The following DCPS variants were observed in gnomAD, a reference collection of about 807,000 sequenced individuals.
DCPS encodes the protein decapping enzyme, scavenger, also known as m7GpppX diphosphatase.
Under a neutral mutation model 34.7 loss-of-function variants are expected in DCPS, and 27 were observed. The ratio of observed to expected loss-of-function variants is 0.78; its 90% confidence interval spans 0.57 to 1.07. The LOEUF is 1.07. DCPS is among the 50% of genes least tolerant of loss of function. DCPS has a pLI of 0.00. For synonymous variants in DCPS, 185 were observed against 185.7 expected, an observed-to-expected ratio of 1.00 and a Z score of 0.03; for missense variants, 464 against 436.9, an observed-to-expected ratio of 1.06 and a Z score of -0.55.
chr11:126,343,239 C>A, intron 4 of DCPS, 68 bp from the exon 5 acceptor site: 1 of 1,372,020 alleles, frequency 7.3e-7, no homozygotes, highest in Non-Finnish European at 1.0e-6. Context: ...TACGTGAGAA[C>A]TCCAGGGTTG....
rs370353786 is a variant in DCPS, at chr11:126,322,319, A to G, written c.377-9086A>G. Among the ~76,000 whole-genome samples the G allele has an allele frequency of 7.2e-5, 11 of 152,180 alleles. No homozygotes were observed. The highest frequency in any genetic ancestry group is 2.6e-4 in the African/African-American group (11 of 41,522). ...CACTTTGTCGCCCAGGCTGGAGTGCATTGGTGCCATCTTGGCTCACTGCAA... is the reference window on the plus strand; with the variant it reads ...CACTTTGTCGCCCAGGCTGGAGTGCGTTGGTGCCATCTTGGCTCACTGCAA... On this transcript the variant is annotated intron_variant, in intron 2 of 5. Coordinates refer to ENST00000263579, the MANE Select transcript of DCPS (RefSeq NM_014026.6). This position sits in a 1 kb window ranked among gnomAD's most constrained non-coding sequence, Gnocchi z 4.2.
In DCPS at chr11:126,342,546, TTCTC is replaced by T. The variant is rs1335189637; in HGVS notation, c.637-760_637-757del. On this transcript the variant is annotated intron_variant, in intron 4 of 5. Transcript: ENST00000263579. This position sits in a 1 kb window ranked among gnomAD's most constrained non-coding sequence, Gnocchi z 4.4. ...TCTGTTTCCTCTACCTGAATACCCT[TTCTC>T]CAAATTCTACCTTTTTTCTAGACCT... Among the ~76,000 whole-genome samples the T allele has an allele frequency of 6.6e-6, 1 of 152,172 alleles. No individual in the cohort carries two copies. Among genetic ancestry groups the T allele is most frequent in the Non-Finnish European group, 1.5e-5 (1 of 68,032 alleles).
chr11:126,315,815 G>A lies in DCPS; in HGVS notation c.376+9071G>A, dbSNP rs1174091454. ...TGCAACCTCCACCTCCCGGGTTGAA[G>A]CGATTCTCCTGCCTCAGCCTCCCGA... is the stretch of plus-strand genomic sequence containing the variant. On this transcript the variant is annotated intron_variant, in intron 2 of 5. Transcript: ENST00000263579. This position sits in a 1 kb window ranked among gnomAD's most constrained non-coding sequence, Gnocchi z 6.1. 1.3e-5 allele frequency among the ~76,000 whole-genome samples: 2 copies of A among 152,074 alleles called. No individual in the cohort carries two copies. Among genetic ancestry groups the A allele is most frequent in the Non-Finnish European group, 2.9e-5 (2 of 68,038 alleles).
chr11:126,340,715 G>C (rs1179449146), intron 4 of DCPS, among the ~76,000 whole-genome samples: 1 of 152,160 alleles, frequency 6.6e-6, no homozygotes, highest in East Asian at 1.9e-4. Flanking sequence ...ATCTCCTCCT[G>C]CCACTGGTCC....
intron 2 of DCPS, among the ~76,000 whole-genome samples, chr11:126,318,153 G>A (rs1591383817): frequency 6.6e-6 from 1 of 152,286 alleles, no homozygotes; most frequent in East Asian, 1.9e-4. Context: ...TAAAGTCAGC[G>A]TCTGCCTCTC....
intron 1 of DCPS, among the ~76,000 whole-genome samples, chr11:126,304,938 C>T (rs553878077): frequency 6.6e-6 from 1 of 152,032 alleles, no homozygotes; most frequent in Admixed American, 6.6e-5. Flanking sequence ...AGTGAGGAGG[C>T]CTAGCCAGAG....
At chr11:126,307,402 G>A (rs1951579389) in intron 2 of DCPS, among the ~76,000 whole-genome samples, 1 of 151,722 alleles carries the variant, frequency 6.6e-6, no homozygotes, top group African/African-American at 2.4e-5. Context: ...GTGATTCATG[G>A]GATAGAATAA....
At position 126,312,985 on chromosome 11, in the gene DCPS, C is replaced by T. The variant is rs1459396193; in HGVS notation, c.376+6241C>T. Among the ~76,000 whole-genome samples the T allele has an allele frequency of 6.6e-6, 1 of 152,150 alleles. No homozygotes were observed. The highest frequency in any genetic ancestry group is 6.5e-5 in the Admixed American group (1 of 15,274). On this transcript the variant is annotated intron_variant, in intron 2 of 5. Transcript: ENST00000263579. The surrounding 1 kb of genome is among the most constrained non-coding windows in gnomAD (Gnocchi z 5.1). ...TCTGACCCTCCAGGCTGGGCAGGGC[C>T]TGCATCTCCTTTCTGCCATAGCTGT...
At chr11:126,330,568 A>G (rs986418177) in intron 2 of DCPS, among the ~76,000 whole-genome samples, 5 of 151,332 alleles carry the variant, frequency 3.3e-5, no homozygotes, top group Admixed American at 1.3e-4. Flanking sequence ...CCAAGGTCCC[A>G]TTCAGAATAA....
intron 2 of DCPS, among the ~76,000 whole-genome samples, chr11:126,316,043 GA>G (rs11284449): frequency 0.074 from 11,233 of 152,080 alleles, 568 homozygotes; most frequent in East Asian, 0.17. Flanking sequence ...AGGTCGAGTG[GA>G]TTCTCTTTTC....
chr11:126,321,968 C>T (rs74833849), intron 2 of DCPS, among the ~76,000 whole-genome samples: 2 of 152,062 alleles, frequency 1.3e-5, no homozygotes, highest in African/African-American at 2.4e-5. Context: ...GAAAGTCAGA[C>T]GCTGAATCCA....
intron 2 of DCPS, among the ~76,000 whole-genome samples, chr11:126,330,800 A>G (rs1179511215): frequency 7.7e-6 from 1 of 129,582 alleles, no homozygotes; most frequent in Non-Finnish European, 1.5e-5. Context: ...GCAATGGTGC[A>G]ATCTGGGCTC....
In DCPS at chr11:126,327,867, T is replaced by C. The variant is rs1288130610; in HGVS notation, c.377-3538T>C. Among the ~76,000 whole-genome samples, 2 of 152,166 alleles carry C rather than the reference T, an allele frequency of 1.3e-5. No homozygotes were observed. The highest frequency in any genetic ancestry group is 4.8e-5 in the African/African-American group (2 of 41,438). On this transcript the variant is annotated intron_variant, in intron 2 of 5. Coordinates refer to ENST00000263579, the MANE Select transcript of DCPS (RefSeq NM_014026.6). The surrounding 1 kb of genome is among the most constrained non-coding windows in gnomAD (Gnocchi z 4.1). ...AAATTGTTTTCTTCCGGAAGCTGCA[T>C]AGTAGTTGGGGAGTCAGACAGTCCA... is the stretch of plus-strand genomic sequence containing the variant.
Position 126,342,493 on chromosome 11 carries a change from C to T in DCPS, c.637-814C>T, listed in dbSNP as rs907586187. ...TCCCCTTCCGTATACATTCTATGCCCTATACATTCTTGCCTCCGAGTCTTT... is the reference window on the plus strand; with the variant it reads ...TCCCCTTCCGTATACATTCTATGCCTTATACATTCTTGCCTCCGAGTCTTT... On this transcript the variant is annotated intron_variant, in intron 4 of 5. Transcript: ENST00000263579. This position sits in a 1 kb window ranked among gnomAD's most constrained non-coding sequence, Gnocchi z 4.4. Among the ~76,000 whole-genome samples, 3 of 152,162 alleles carry T rather than the reference C, an allele frequency of 2.0e-5. No homozygotes were observed. The highest frequency in any genetic ancestry group is 1.9e-4 in the East Asian group (1 of 5,188).
chr11:126,307,909 C>G (rs1475679863), intron 2 of DCPS, among the ~76,000 whole-genome samples: 3 of 152,154 alleles, frequency 2.0e-5, no homozygotes, highest in African/African-American at 7.2e-5. Context: ...GGCGGGAAAG[C>G]TAAGGTTTTT....
rs1343082797 is a variant in DCPS at position 126,313,283 on chromosome 11, C to T, written c.376+6539C>T. ...GAACTCCCGGTACTGTAGCCACAGG[C>T]CAGGGTTTTCCGCCCTGTGCTATTT... On this transcript the variant is annotated intron_variant, in intron 2 of 5. Transcript: ENST00000263579. The surrounding 1 kb of genome is among the most constrained non-coding windows in gnomAD (Gnocchi z 4.9). Among the ~76,000 whole-genome samples, 4 of 152,142 alleles carry T rather than the reference C, an allele frequency of 2.6e-5. No individual in the cohort carries two copies. The highest frequency in any genetic ancestry group is 9.7e-5 in the African/African-American group (4 of 41,418).
Position 126,332,765 on chromosome 11 carries a change from TTTGTTG to T in DCPS, c.522+1230_522+1235del, listed in dbSNP as rs200771827. Reference sequence around the variant, plus strand: ...GGTGCATCTGGCTCAAGCTGACTTGTTTGTTGTTGTTGTTGTTGTTTGTTTGTTTGT... The same window carrying T: ...GGTGCATCTGGCTCAAGCTGACTTGTTTGTTGTTGTTGTTTGTTTGTTTGT... On this transcript the variant is annotated intron_variant, in intron 3 of 5. Transcript: ENST00000263579. This position sits in a 1 kb window ranked among gnomAD's most constrained non-coding sequence, Gnocchi z 5.4. 3.9e-5 allele frequency among the ~76,000 whole-genome samples: 6 copies of T among 152,060 alleles called. No homozygotes were observed. The highest frequency in any genetic ancestry group is 1.4e-4 in the African/African-American group (6 of 41,398).
chr11:126,322,454 G>A lies in DCPS; in HGVS notation c.377-8951G>A, dbSNP rs1951714837. 6.6e-6 allele frequency among the ~76,000 whole-genome samples: 1 copy of A among 151,960 alleles called. No individual in the cohort carries two copies. Among genetic ancestry groups the A allele is most frequent in the Non-Finnish European group, 1.5e-5 (1 of 67,990 alleles). On this transcript the variant is annotated intron_variant, in intron 2 of 5. Transcript: ENST00000263579. This position sits in a 1 kb window ranked among gnomAD's most constrained non-coding sequence, Gnocchi z 4.2. ...CATTTTTGTATTTTTAGTAGAGATGGGGTTTCGCCATGTTGGCCAAGTTGG... is the reference window on the plus strand; with the variant it reads ...CATTTTTGTATTTTTAGTAGAGATGAGGTTTCGCCATGTTGGCCAAGTTGG...
intron 2 of DCPS, among the ~76,000 whole-genome samples, chr11:126,311,658 G>A (rs1951619273): frequency 6.6e-6 from 1 of 152,204 alleles, no homozygotes; most frequent in African/African-American, 2.4e-5. Context: ...GGGATGGAAA[G>A]AAGAACAGAA....
Sources: allele counts gnomAD v4.1 joint callset (sites outside exome capture counted in the v4.1 genomes callset), GRCh38; gene constraint gnomAD v4.1.1; non-coding constraint Gnocchi (gnomAD v3.1); transcripts MANE v1.5; gene names NCBI Gene and HGNC (gene_info 2026-07-23, HGNC 2026-07-21).